Variants in SNAPC3 observed in about 807,000 individuals in gnomAD.
SNAPC3 encodes small nuclear RNA activating complex polypeptide 3.
In SNAPC3, 56 loss-of-function variants were observed where a neutral mutation model predicts 47.7. The ratio of observed to expected loss-of-function variants is 1.18; its 90% CI spans 0.95 to 1.47. The LOEUF (loss-of-function observed/expected upper bound fraction) is 1.47. Among genes scored for constraint, SNAPC3 ranks in the 40% most tolerant of loss-of-function variants. The probability of loss-of-function intolerance (pLI) is 0.00; values close to 1 mark genes in which losing one functional copy is unlikely to be tolerated. For synonymous variants in SNAPC3, 235 were observed against 189.9 expected (o/e 1.24, Z -1.95); for missense variants, 665 against 511.3 (o/e 1.30, Z -2.90).
intron 6 of SNAPC3, among the ~76,000 whole-genome samples, chr9:15,451,841 G>C (rs1233927295): frequency 6.6e-6 from 1 of 151,716 alleles, no homozygotes; most frequent in Non-Finnish European, 1.5e-5. Context: ...AGGTGATGGT[G>C]ATATATATAT....
At chr9:15,435,879 T>C (rs2032751058) in intron 3 of SNAPC3, among the ~76,000 whole-genome samples, 2 of 150,136 alleles carry the variant, frequency 1.3e-5, no homozygotes, top group South Asian at 2.1e-4. Context: ...GTTTTGCTCT[T>C]GTTGCCCAAC....
chr9:15,447,206 A>G lies in SNAPC3; in HGVS notation c.694A>G (p.Ser232Gly), dbSNP rs761701840. Residue 232 changes from serine to glycine, a missense_variant, in exon 5 of 9, where the codon AGC becomes GGC. Coordinates refer to ENST00000380821, the MANE Select transcript of SNAPC3 (RefSeq NM_001039697.2). The part of the protein sequence containing the change: ...VSDLQIGGEF[S>G]NTPDQAPEHI... Reference sequence around the variant, plus strand: ...TGACCTCCAGATTGGTGGTGAATTCAGCAACACTCCTGACCAAGCCCCTGA... The same window carrying G: ...TGACCTCCAGATTGGTGGTGAATTCGGCAACACTCCTGACCAAGCCCCTGA... 68 of 1,614,046 alleles carry G rather than the reference A, an allele frequency of 4.2e-5. No homozygotes were observed. In the Admixed American group the frequency reaches 1.1e-3, roughly 26 times the overall value.
At chr9:15,452,444 C>T (rs1457102820) in intron 6 of SNAPC3, among the ~76,000 whole-genome samples, 2 of 152,050 alleles carry the variant, frequency 1.3e-5, no homozygotes, top group African/African-American at 4.8e-5. Context: ...TCAGCCTCCC[C>T]AGTAGCTGGG....
intron 4 of SNAPC3, among the ~76,000 whole-genome samples, chr9:15,445,999 A>G (rs2033901025): frequency 6.6e-6 from 1 of 152,138 alleles, no homozygotes; most frequent in Admixed American, 6.6e-5. Context: ...AAACCAAACC[A>G]AAGTATGAAT....
At chr9:15,452,941 G>C in intron 6 of SNAPC3, 100 bp from the exon 7 acceptor site, 7 of 940,054 alleles carry the variant, frequency 7.4e-6, no homozygotes, top group Non-Finnish European at 1.1e-5. Flanking sequence ...AGTTAGTTGG[G>C]TGAGCTAGGT....
intron 1 of SNAPC3, among the ~76,000 whole-genome samples, chr9:15,423,612 G>C (rs945537656): frequency 6.6e-6 from 1 of 152,098 alleles, no homozygotes; most frequent in Non-Finnish European, 1.5e-5. Flanking sequence ...TTTCTTTTGG[G>C]GACCTTCCGG....
At chr9:15,464,697 T>C (rs2035492510), downstream of SNAPC3, 1 of 198,762 alleles carries the variant, frequency 5.0e-6, no homozygotes, top group Non-Finnish European at 1.0e-5. Flanking sequence ...TCCTCAAAAA[T>C]AAACTTACTT....
rs757245561 is a variant in SNAPC3, at chr9:15,422,955, G to T, written c.76G>T (p.Gly26Cys). 2.0e-6 allele frequency: 3 copies of T among 1,537,134 alleles called. No individual in the cohort carries two copies. In the South Asian group the frequency reaches 3.6e-5, roughly 19 times the overall value. ...GRQDPVSGSG[G>C]CNFPEYELPE... ...GCAGGACCCAGTCTCCGGCAGTGGC[G>T]GCTGCAACTTTCCAGAGTATGAGCT... Residue 26 changes from glycine (G) to cysteine (C), a missense_variant, in exon 1 of 9, where the codon GGC becomes TGC. By Grantham distance (159) the Gly-to-Cys change is radical. Coordinates refer to ENST00000380821, the MANE Select transcript of SNAPC3 (RefSeq NM_001039697.2).
rs950595405 is a variant in SNAPC3 at position 15,459,880 on chromosome 9, C to A, written c.*14C>A. The A allele has an allele frequency of 4.4e-6, 7 of 1,596,658 alleles. No individual in the cohort carries two copies. The African/African-American group carries it at 8.5e-5, about 19-fold the overall frequency. ...ACCTTTAATTAAGAATAGCTACACTCACAAAAATACCCCCTCATGAAATAA... is the reference window on the plus strand; with the variant it reads ...ACCTTTAATTAAGAATAGCTACACTAACAAAAATACCCCCTCATGAAATAA... On this transcript the variant is annotated 3_prime_UTR_variant, in exon 9 of 9. Transcript: ENST00000380821.
chr9:15,434,429 A>G (rs2131801028), intron 3 of SNAPC3, among the ~76,000 whole-genome samples: 1 of 149,224 alleles, frequency 6.7e-6, no homozygotes, highest in East Asian at 2.0e-4. Flanking sequence ...TTTTTTTGAA[A>G]CAGAGTCTCG....
At chr9:15,428,106 G>A (rs1175121898) in intron 2 of SNAPC3, among the ~76,000 whole-genome samples, 1 of 82,282 alleles carries the variant, frequency 1.2e-5, no homozygotes, top group African/African-American at 5.6e-5. Context: ...GCGCAACTCT[G>A]TCTCCAAAAA....
At chr9:15,447,027 T>C (rs1250027645) in intron 4 of SNAPC3, 68 bp from the exon 5 acceptor site, 40 of 1,346,002 alleles carry the variant, frequency 3.0e-5, no homozygotes, top group Non-Finnish European at 3.9e-5. Context: ...TTTGATCTAG[T>C]CATGACAGGA....
intron 3 of SNAPC3, among the ~76,000 whole-genome samples, chr9:15,441,390 T>TTTC (rs1000539947): frequency 3.5e-5 from 4 of 115,846 alleles, no homozygotes; most frequent in South Asian, 2.6e-4. Flanking sequence ...TTTCTTTTTT[T>TTTC]TTTTTTTTTT....
chr9:15,423,384 A>G (rs1424244276), intron 1 of SNAPC3, among the ~76,000 whole-genome samples, 191 bp downstream of exon 1: 1 of 152,200 alleles, frequency 6.6e-6, no homozygotes, highest in Non-Finnish European at 1.5e-5. Context: ...ACCCGAATGC[A>G]CAGTTTCTAC....
chr9:15,424,085 C>A (rs552744192), intron 2 of SNAPC3, 99 bp downstream of exon 2: 6 of 573,316 alleles, frequency 1.0e-5, no homozygotes, highest in African/African-American at 7.8e-5. Context: ...TGTCTGTATA[C>A]CCACCCCTTA....
At chr9:15,445,003 A>C (rs184140492) in intron 4 of SNAPC3, among the ~76,000 whole-genome samples, 19 of 152,194 alleles carry the variant, frequency 1.2e-4, no homozygotes, top group South Asian at 8.3e-4. Flanking sequence ...TGAGGTGGGG[A>C]GATCACTTGA....
chr9:15,427,896 A>C (rs2131743113), intron 2 of SNAPC3, among the ~76,000 whole-genome samples: 1 of 152,226 alleles, frequency 6.6e-6, no homozygotes, highest in South Asian at 2.1e-4. Context: ...GGAGTGCTTG[A>C]GGTCAGGAGT....
chr9:15,450,617 T>A (rs1038186942), intron 5 of SNAPC3, among the ~76,000 whole-genome samples: 14 of 152,180 alleles, frequency 9.2e-5, no homozygotes, highest in African/African-American at 3.4e-4. Flanking sequence ...AAATAGAAGG[T>A]GAAGGACCAG....
chr9:15,427,972 G>C (rs943851598), intron 2 of SNAPC3, among the ~76,000 whole-genome samples: 1 of 151,960 alleles, frequency 6.6e-6, no homozygotes, highest in Admixed American at 6.6e-5. Flanking sequence ...TTAGCTGGGC[G>C]TGGTGGCACC....
Sources: gnomAD v4.1 joint callset for allele counts (sites outside exome capture counted in the v4.1 genomes callset) on GRCh38, gnomAD v4.1.1 for gene constraint, MANE v1.5 for transcripts, NCBI Gene and HGNC (gene_info 2026-07-23, HGNC 2026-07-21) for gene names.